ATP10A: variants seen among roughly 807,000 people sequenced by gnomAD.
The protein encoded by ATP10A is ATPase phospholipid transporting 10A (putative).
ATP10A carries 111 observed loss-of-function variants against 147.8 expected under a neutral mutation model. That is an observed-to-expected ratio of 0.75 (90% confidence interval 0.64 to 0.88). The LOEUF (loss-of-function observed/expected upper bound fraction) is 0.88. ATP10A is among the 40% of genes least tolerant of loss of function. The pLI, the probability that ATP10A is intolerant of heterozygous loss-of-function variation, is 0.00. For missense variants in ATP10A, 1,927 were observed against 1,959.0 expected (o/e 0.98, Z 0.31); for synonymous variants, 875 against 841.6 (o/e 1.04, Z -0.69).
intron 2 of ATP10A, among the ~76,000 whole-genome samples, chr15:25,771,540 T>C (rs1350293212): frequency 2.0e-5 from 3 of 152,132 alleles, no homozygotes; most frequent in Non-Finnish European, 2.9e-5. Flanking sequence ...ACAAGACTCC[T>C]CCCTCCACCC....
chr15:25,789,501 C>T (rs1890311640), intron 1 of ATP10A, among the ~76,000 whole-genome samples: 1 of 151,044 alleles, frequency 6.6e-6, no homozygotes, highest in African/African-American at 2.4e-5. Context: ...GTGCCAAGGC[C>T]GATGCCTTGG....
intron 1 of ATP10A, among the ~76,000 whole-genome samples, chr15:25,855,976 T>G (rs1893499157): frequency 6.6e-6 from 1 of 152,228 alleles, no homozygotes; most frequent in South Asian, 2.1e-4. Flanking sequence ...ATTTTCTTGG[T>G]TTTTGAAAAT....
chr15:25,756,211 A>G (rs1206161876), intron 2 of ATP10A, among the ~76,000 whole-genome samples: 1 of 152,214 alleles, frequency 6.6e-6, no homozygotes, highest in African/African-American at 2.4e-5. Flanking sequence ...CAAAGGAAGG[A>G]GAGAACACTG....
chr15:25,718,486 G>T (rs192193758), intron 7 of ATP10A, 87 bp from the exon 8 acceptor site: 13 of 1,354,458 alleles, frequency 9.6e-6, no homozygotes, highest in South Asian at 2.6e-5. Flanking sequence ...TAGGTTCCGC[G>T]AGGCTTCCGG....
At chr15:25,811,774 C>T (rs1891443516) in intron 1 of ATP10A, among the ~76,000 whole-genome samples, 1 of 152,164 alleles carries the variant, frequency 6.6e-6, no homozygotes. Context: ...AAGGTTTGAC[C>T]CAGCCTGACC....
At chr15:25,728,846 A>G (rs528228439) in intron 3 of ATP10A, among the ~76,000 whole-genome samples, 6 of 152,352 alleles carry the variant, frequency 3.9e-5, no homozygotes, top group Non-Finnish European at 7.3e-5. Context: ...TCCATGCCAG[A>G]AGGAAGAGCG....
rs754809069 is a variant in ATP10A, at chr15:25,680,179, C to A, written c.3808G>T (p.Gly1270Cys). The A allele has an allele frequency of 6.2e-7, 1 of 1,614,078 alleles. No individual in the cohort carries two copies. Reference sequence around the variant, plus strand: ...CAAGTCAAGTAAAACACTGGGTCACCCAGTAAGGCTTGCATAGTCCAGTAA... The same window carrying A: ...CAAGTCAAGTAAAACACTGGGTCACACAGTAAGGCTTGCATAGTCCAGTAA... ...NPYWTMQALL[G>C]DPVFYLTCLM... The change falls in exon 20 of 21, where the codon GGT (glycine) becomes TGT (cysteine). Residue 1270 changes from glycine (G) to cysteine (C), a missense_variant. Transcript: ENST00000555815.
chr15:25,835,685 T>A (rs1028956101), intron 1 of ATP10A, among the ~76,000 whole-genome samples: 1 of 152,188 alleles, frequency 6.6e-6, no homozygotes, highest in Non-Finnish European at 1.5e-5. Context: ...CAGGCTGGAG[T>A]GCAGTGGTAC....
intron 1 of ATP10A, among the ~76,000 whole-genome samples, chr15:25,846,328 T>C (rs1893023704): frequency 6.6e-6 from 1 of 152,220 alleles, no homozygotes; most frequent in Admixed American, 6.5e-5. Context: ...TATTTCACCA[T>C]AATAAAACAA....
intron 2 of ATP10A, among the ~76,000 whole-genome samples, chr15:25,741,704 G>A (rs540627154): frequency 1.1e-4 from 17 of 152,288 alleles, no homozygotes; most frequent in African/African-American, 3.6e-4. Context: ...AATACTGAAC[G>A]AATGAGTGAA....
intron 2 of ATP10A, among the ~76,000 whole-genome samples, chr15:25,741,394 T>C (rs1887576765): frequency 6.6e-6 from 1 of 152,178 alleles, no homozygotes. Flanking sequence ...GGTTCCAGAA[T>C]GCATAGTTCC....
chr15:25,817,019 A>G (rs975167018), intron 1 of ATP10A, among the ~76,000 whole-genome samples: 4 of 152,068 alleles, frequency 2.6e-5, no homozygotes, highest in African/African-American at 9.7e-5. Flanking sequence ...GCTAGTCTAT[A>G]TAATATACTA....
rs554531202 is a variant in ATP10A at position 25,691,489 on chromosome 15, G to A, written c.3165+226C>T. Among the ~76,000 whole-genome samples, 21 of 152,310 alleles carry A rather than the reference G, an allele frequency of 1.4e-4. No homozygotes were observed. In the South Asian group the frequency reaches 4.1e-3, roughly 30 times the overall value. On this transcript the variant is annotated intron_variant, in intron 15 of 20. Coordinates refer to ENST00000555815, the MANE Select transcript of ATP10A (RefSeq NM_024490.4). ...TTTCACAAAAATAGACTTGTGACAT[G>A]GGAAGACATGCTTATTGCACACTGC...
rs770422105 is a variant in ATP10A, at chr15:25,781,116, G to C, written c.557C>G (p.Ser186Cys). 2 of 1,614,212 alleles carry C rather than the reference G, an allele frequency of 1.2e-6. No homozygotes were observed. The highest frequency in any genetic ancestry group is 1.7e-6 in the Non-Finnish European group (2 of 1,180,042). Residue 186 changes from serine to cysteine, a missense_variant, in exon 2 of 21, where the codon TCC becomes TGC. Ser to Cys is a moderately radical substitution (Grantham distance 112). Transcript: ENST00000555815. Reference protein sequence around the residue: ...IFPADILLLSSSDPDGLCHIE... With the variant: ...IFPADILLLSCSDPDGLCHIE... ...GTGGCATAGCCCGTCGGGGTCACTGGAGGAGAGCAGCAGAATGTCCGCAGG... is the reference window on the plus strand; with the variant it reads ...GTGGCATAGCCCGTCGGGGTCACTGCAGGAGAGCAGCAGAATGTCCGCAGG...
At chr15:25,851,603 G>A (rs1002902880) in intron 1 of ATP10A, among the ~76,000 whole-genome samples, 6 of 152,116 alleles carry the variant, frequency 3.9e-5, no homozygotes, top group African/African-American at 1.4e-4. Flanking sequence ...TTTTTCAGAA[G>A]ACATTTGAGC....
chr15:25,684,960 G>A (rs1026597772), intron 16 of ATP10A, among the ~76,000 whole-genome samples: 2 of 152,090 alleles, frequency 1.3e-5, no homozygotes, highest in Non-Finnish European at 2.9e-5. Flanking sequence ...TGCTGAAAAC[G>A]AACATTTGGT....
intron 1 of ATP10A, among the ~76,000 whole-genome samples, chr15:25,813,205 A>T (rs983619913): frequency 1.3e-5 from 2 of 152,236 alleles, no homozygotes; most frequent in African/African-American, 4.8e-5. Context: ...AGGAAAGTTT[A>T]TCTGGAGCTC....
intron 2 of ATP10A, among the ~76,000 whole-genome samples, chr15:25,748,151 A>G (rs1036565471): frequency 2.0e-5 from 3 of 152,068 alleles, no homozygotes; most frequent in Middle Eastern, 3.2e-3. Context: ...TTTAGTAGAG[A>G]CAGGGTTTCA....
At chr15:25,745,591 C>A (rs770639599) in intron 2 of ATP10A, among the ~76,000 whole-genome samples, 3 of 151,830 alleles carry the variant, frequency 2.0e-5, no homozygotes, top group Non-Finnish European at 2.9e-5. Context: ...GGAAATTGGC[C>A]TGATGAAAGG....
Sources: allele counts gnomAD v4.1 joint callset (sites outside exome capture counted in the v4.1 genomes callset), GRCh38; gene constraint gnomAD v4.1.1; transcripts MANE v1.5; gene names NCBI Gene and HGNC (gene_info 2026-07-23, HGNC 2026-07-21).